XYLT1: variants seen among roughly 807,000 people sequenced by gnomAD.
XYLT1 encodes the protein beta-D-xylosyltransferase 1.
A neutral mutation model predicts 91.3 loss-of-function variants in XYLT1; 36 were observed. The observed-to-expected ratio is 0.39, with a 90% CI of 0.30 to 0.52. The LOEUF (loss-of-function observed/expected upper bound fraction) is 0.52, where lower values mean the gene tolerates loss of function less well. Ranked by LOEUF, XYLT1 falls within the 20% of genes least tolerant of loss-of-function variation. The probability of loss-of-function intolerance (pLI) is 0.68; values close to 1 mark genes in which losing one functional copy is unlikely to be tolerated. For missense variants in XYLT1, 1,242 were observed against 1,284.5 expected, an observed-to-expected ratio of 0.97 and a Z score of 0.51; for synonymous variants, 588 against 532.0, an observed-to-expected ratio of 1.11 and a Z score of -1.45.
intron 1 of XYLT1, among the ~76,000 whole-genome samples, chr16:17,435,235 C>T (rs143164861): frequency 7.8e-4 from 119 of 152,304 alleles, no homozygotes; most frequent in African/African-American, 1.5e-3. Context: ...CCTGGAAGCA[C>T]GCACAGAACT....
chr16:17,137,077 C>A (rs72775973), intron 8 of XYLT1, among the ~76,000 whole-genome samples: 312 of 152,246 alleles, frequency 2.0e-3, no homozygotes, highest in Non-Finnish European at 3.3e-3. Context: ...TTTAGGCAGC[C>A]CCCTGTCTGC....
chr16:17,465,565 G>C (rs1358678437), intron 1 of XYLT1, among the ~76,000 whole-genome samples: 1 of 145,870 alleles, frequency 6.9e-6, no homozygotes, highest in South Asian at 2.3e-4. Flanking sequence ...TTGGGGGGGG[G>C]GGGGGTGAGC....
intron 2 of XYLT1, among the ~76,000 whole-genome samples, chr16:17,313,758 T>C (rs1473543444): frequency 6.6e-6 from 1 of 151,542 alleles, no homozygotes; most frequent in Non-Finnish European, 1.5e-5. Flanking sequence ...ATGGAGCGAC[T>C]GTGGTTAGGA....
At chr16:17,255,841 C>T (rs953924867) in intron 3 of XYLT1, among the ~76,000 whole-genome samples, 4 of 152,068 alleles carry the variant, frequency 2.6e-5, no homozygotes, top group Non-Finnish European at 5.9e-5. Context: ...AACCCCACCT[C>T]TACTAAAAAT....
At chr16:17,195,089 G>C (rs1423944313) in intron 5 of XYLT1, among the ~76,000 whole-genome samples, 3 of 152,192 alleles carry the variant, frequency 2.0e-5, no homozygotes, top group African/African-American at 7.2e-5. Flanking sequence ...CTCAAGTGGA[G>C]ACAATTTTAG....
chr16:17,178,013 T>C (rs1458368327), intron 5 of XYLT1, among the ~76,000 whole-genome samples: 1 of 152,186 alleles, frequency 6.6e-6, no homozygotes, highest in East Asian at 1.9e-4. Context: ...AGGAAGGTGG[T>C]GCAGGGTGAA....
chr16:17,439,170 C>T (rs1222790809), intron 1 of XYLT1, among the ~76,000 whole-genome samples: 2 of 152,170 alleles, frequency 1.3e-5, no homozygotes, highest in Non-Finnish European at 2.9e-5. Flanking sequence ...TCAAGTATGG[C>T]AGGCACATGG....
intron 6 of XYLT1, among the ~76,000 whole-genome samples, chr16:17,143,396 A>G (rs888646704): frequency 3.3e-5 from 5 of 152,118 alleles, no homozygotes; most frequent in Non-Finnish European, 7.3e-5. Context: ...GCTCCTAAGG[A>G]GCTAGTTATC....
chr16:17,439,380 C>T (rs374005028), intron 1 of XYLT1, among the ~76,000 whole-genome samples: 19 of 152,198 alleles, frequency 1.2e-4, no homozygotes, highest in Admixed American at 4.6e-4. Context: ...TAAAACCAGC[C>T]GCTCCCAGAG....
At position 17,219,280 on chromosome 16, in the gene XYLT1, C is replaced by CAAAAAAAAAAAAAA. The variant is rs369055155; in HGVS notation, c.914-18640_914-18627dup. Among the ~76,000 whole-genome samples, 13 of 85,066 alleles carry CAAAAAAAAAAAAAA rather than the reference C, an allele frequency of 1.5e-4. 1 individual carries two copies. The highest frequency in any genetic ancestry group is 6.5e-4 in the East Asian group (2 of 3,092). The allele number at this position is 85,066 out of a possible 152,430, so 55.8% of individuals were successfully genotyped here. A position where few individuals can be genotyped will look rare whatever the true frequency, so the allele number is the denominator to read the frequency against. ...TGGGCGACTAAGCAAGACTTTGTCT[C>CAAAAAAAAAAAAAA]AAAAAAAAAAAAAAAAAAAAAGAAA... is the stretch of plus-strand genomic sequence containing the variant. On this transcript the variant is annotated intron_variant, in intron 3 of 11. Transcript: ENST00000261381.
intron 1 of XYLT1, among the ~76,000 whole-genome samples, chr16:17,450,542 C>A (rs2036653394): frequency 6.6e-6 from 1 of 152,118 alleles, no homozygotes; most frequent in African/African-American, 2.4e-5. Flanking sequence ...AATCAGGGCA[C>A]AGGTAACCAC....
chr16:17,409,215 T>G (rs2036074540), intron 1 of XYLT1, among the ~76,000 whole-genome samples: 1 of 152,102 alleles, frequency 6.6e-6, no homozygotes, highest in Non-Finnish European at 1.5e-5. Flanking sequence ...CAGTTCTATT[T>G]TGAAGTTTAC....
chr16:17,252,390 A>G (rs1282916066), intron 3 of XYLT1, among the ~76,000 whole-genome samples: 1 of 152,002 alleles, frequency 6.6e-6, no homozygotes, highest in African/African-American at 2.4e-5. Flanking sequence ...TTGCCCTGAA[A>G]CACTAGGGGT....
At chr16:17,112,062 C>G (rs1168567015) in intron 11 of XYLT1, among the ~76,000 whole-genome samples, 2 of 152,076 alleles carry the variant, frequency 1.3e-5, no homozygotes, top group Non-Finnish European at 2.9e-5. Flanking sequence ...GCAGGACATT[C>G]AAAGGGAAAA....
intron 2 of XYLT1, among the ~76,000 whole-genome samples, chr16:17,282,968 C>T (rs928097280): frequency 6.6e-6 from 1 of 152,012 alleles, no homozygotes; most frequent in Non-Finnish European, 1.5e-5. Flanking sequence ...TCACCCCCCC[C>T]AAGTCACACA....
intron 3 of XYLT1, among the ~76,000 whole-genome samples, chr16:17,211,543 C>CT (rs988287122): frequency 6.6e-6 from 1 of 152,144 alleles, no homozygotes; most frequent in Non-Finnish European, 1.5e-5. Flanking sequence ...ACTCATGAGG[C>CT]TTTTACCTCT....
intron 1 of XYLT1, among the ~76,000 whole-genome samples, chr16:17,442,148 G>A (rs994983253): frequency 3.3e-5 from 5 of 152,148 alleles, no homozygotes; most frequent in Non-Finnish European, 7.3e-5. Flanking sequence ...CTGGTTTTCA[G>A]ACTGGAACAA....
At chr16:17,120,947 A>G (rs1276900509) in intron 10 of XYLT1, among the ~76,000 whole-genome samples, 1 of 152,192 alleles carries the variant, frequency 6.6e-6, no homozygotes, top group African/African-American at 2.4e-5. Context: ...TGTCAACTCT[A>G]TTGTAACCAT....
chr16:17,304,940 G>A (rs1303203077), intron 2 of XYLT1, among the ~76,000 whole-genome samples: 1 of 152,172 alleles, frequency 6.6e-6, no homozygotes, highest in African/African-American at 2.4e-5. Flanking sequence ...CAAGATTGCA[G>A]CTGTAGGCCC....
Sources: allele counts gnomAD v4.1 joint callset (sites outside exome capture counted in the v4.1 genomes callset), GRCh38; gene constraint gnomAD v4.1.1; transcripts MANE v1.5; gene names NCBI Gene and HGNC (gene_info 2026-07-23, HGNC 2026-07-21).